The following RNF216 variants were observed in gnomAD, a reference collection of about 807,000 sequenced individuals.
RNF216 encodes the protein ring finger protein 216.
In RNF216, 72 loss-of-function variants were observed where a neutral mutation model predicts 110.8. That is an observed-to-expected ratio of 0.65 (90% CI 0.54 to 0.79). The LOEUF (loss-of-function observed/expected upper bound fraction) is 0.79. RNF216 is among the 30% of genes least tolerant of loss of function. RNF216 has a pLI of 0.00. For missense variants in RNF216, 1,342 were observed against 1,141.2 expected (o/e 1.18, Z -2.54); for synonymous variants, 495 against 407.5 (o/e 1.21, Z -2.59).
At chr7:5,780,702 C>G (rs903789180) in intron 1 of RNF216, among the ~76,000 whole-genome samples, 1 of 151,498 alleles carries the variant, frequency 6.6e-6, no homozygotes, top group African/African-American at 2.4e-5. Flanking sequence ...AAGACTCCGT[C>G]TCAAAGAAAA....
chr7:5,681,036 G>A (rs770013576), intron 13 of RNF216, among the ~76,000 whole-genome samples: 2 of 151,524 alleles, frequency 1.3e-5, no homozygotes, highest in Non-Finnish European at 2.9e-5. Context: ...GCCATACCCC[G>A]CAGATACCCC....
chr7:5,773,739 TG>T, intron 1 of RNF216, among the ~76,000 whole-genome samples: 1 of 152,116 alleles, frequency 6.6e-6, no homozygotes, highest in Non-Finnish European at 1.5e-5. Flanking sequence ...GGTTAATTTT[TG>T]TATTTTTAGT....
In RNF216 at chr7:5,755,159, G is replaced by C. The variant is rs558434916; in HGVS notation, c.68-2180C>G. ...GAGGGAGGAAGGAAAGAAGGAAGGA[G>C]AAAGGAAGGAAAGAGAGGAAAGGAA... On this transcript the variant is annotated intron_variant, in intron 2 of 16. Coordinates refer to ENST00000389902, the MANE Select transcript of RNF216 (RefSeq NM_207111.4). Among the ~76,000 whole-genome samples the C allele has an allele frequency of 2.7e-3, 382 of 143,062 alleles. 3 individuals are homozygous for C. Among genetic ancestry groups the C allele is most frequent in the African/African-American group, 9.2e-3 (358 of 38,898 alleles). 93.9% of individuals were successfully genotyped at this position (143,062 alleles called of 152,430 possible).
chr7:5,668,922 C>G (rs936477465), intron 13 of RNF216, among the ~76,000 whole-genome samples: 5 of 152,214 alleles, frequency 3.3e-5, no homozygotes, highest in Non-Finnish European at 7.3e-5. Context: ...CTAGATGTGA[C>G]TACTTTCACA....
chr7:5,734,326 G>C (rs1006800484), intron 5 of RNF216, among the ~76,000 whole-genome samples: 1 of 152,138 alleles, frequency 6.6e-6, no homozygotes, highest in Non-Finnish European at 1.5e-5. Context: ...ACATAATGCT[G>C]AGTGAAAAGA....
At chr7:5,752,363 G>C (rs1054154450) in intron 3 of RNF216, among the ~76,000 whole-genome samples, 1 of 152,102 alleles carries the variant, frequency 6.6e-6, no homozygotes, top group South Asian at 2.1e-4. Flanking sequence ...GACAAAATTT[G>C]TTCTTGGTTA....
intron 1 of RNF216, among the ~76,000 whole-genome samples, chr7:5,773,646 C>T (rs550356608): frequency 1.1e-4 from 17 of 152,336 alleles, no homozygotes; most frequent in African/African-American, 3.4e-4. Flanking sequence ...CAGCTCACTG[C>T]AACCTCCGTC....
chr7:5,772,528 C>T (rs969536210), intron 1 of RNF216, among the ~76,000 whole-genome samples: 1 of 152,066 alleles, frequency 6.6e-6, no homozygotes, highest in South Asian at 2.1e-4. Context: ...CCTTTCCTTC[C>T]TCTCTGAGAA....
chr7:5,767,131 A>G (rs146814317), intron 1 of RNF216, among the ~76,000 whole-genome samples: 2 of 152,322 alleles, frequency 1.3e-5, no homozygotes, highest in East Asian at 3.9e-4. Context: ...TAGTAGACCA[A>G]CCCTTTGCCT....
chr7:5,656,923 A>G (rs1357083767), intron 13 of RNF216, among the ~76,000 whole-genome samples: 3 of 152,196 alleles, frequency 2.0e-5, no homozygotes, highest in East Asian at 1.9e-4. Context: ...CAAGTGTGAT[A>G]ATAATCTTGA....
At position 5,741,623 on chromosome 7, in the gene RNF216, C is replaced by A. The variant is rs371431845; in HGVS notation, c.394G>T (p.Gly132Cys). The A allele has an allele frequency of 1.2e-6, 2 of 1,614,094 alleles. No individual in the cohort carries two copies. Among genetic ancestry groups the A allele is most frequent in the Non-Finnish European group, 1.7e-6 (2 of 1,180,030 alleles). The change falls in exon 4 of 17, where the codon GGT (glycine) becomes TGT (cysteine). Residue 132 changes from glycine (G) to cysteine (C), a missense_variant. Gly to Cys is a radical substitution (Grantham distance 159). Coordinates refer to ENST00000389902, the MANE Select transcript of RNF216 (RefSeq NM_207111.4). ...GAQDDSEDDY[G>C]EFLDLGPPGI... ...GGAGGCCCAAGATCCAGAAATTCAC[C>A]GTAGTCATCCTCAGAATCATCCTGT...
intron 13 of RNF216, among the ~76,000 whole-genome samples, chr7:5,664,020 C>T (rs892380562): frequency 1.3e-5 from 2 of 152,150 alleles, no homozygotes; most frequent in African/African-American, 4.8e-5. Flanking sequence ...TGGAGGGGCT[C>T]GTAATCAACC....
rs546031648 is a variant in RNF216 at position 5,756,072 on chromosome 7, T to A, written c.68-3093A>T. Among the ~76,000 whole-genome samples the A allele has an allele frequency of 1.1e-4, 17 of 152,064 alleles. 1 individual carries two copies. The South Asian group carries it at 3.5e-3, about 32-fold the overall frequency. On this transcript the variant is annotated intron_variant, in intron 2 of 16. Transcript: ENST00000389902. ...TCACGAGCGGGACAGGTGGAGGTAA[T>A]CGGATCATGGGGGCAGTTTCCCCCA... is the stretch of plus-strand genomic sequence containing the variant.
intron 13 of RNF216, among the ~76,000 whole-genome samples, chr7:5,689,165 G>C (rs1480380147): frequency 6.6e-6 from 1 of 152,004 alleles, no homozygotes; most frequent in African/African-American, 2.4e-5. Context: ...AGGTGGAAGG[G>C]GGTCCTGGAG....
chr7:5,659,940 T>A (rs939651059), intron 13 of RNF216, among the ~76,000 whole-genome samples: 24 of 144,618 alleles, frequency 1.7e-4, no homozygotes, highest in Non-Finnish European at 3.3e-4. Context: ...AATATTTTAA[T>A]TACATTCATT....
At chr7:5,725,803 C>A (rs1359508933) in intron 7 of RNF216, among the ~76,000 whole-genome samples, 2 of 146,204 alleles carry the variant, frequency 1.4e-5, no homozygotes, top group East Asian at 4.0e-4. Context: ...TGAGCCGAGA[C>A]TGCACCACTG....
intron 15 of RNF216, among the ~76,000 whole-genome samples, chr7:5,631,942 C>T (rs375552822): frequency 5.9e-5 from 9 of 152,194 alleles, no homozygotes; most frequent in Admixed American, 2.0e-4. Context: ...CTCCACGCCA[C>T]GGGAGGCTGG....
intron 5 of RNF216, among the ~76,000 whole-genome samples, chr7:5,738,707 C>CA (rs71004696): frequency 0.016 from 1,149 of 70,110 alleles, 51 homozygotes; most frequent in African/African-American, 0.057. Flanking sequence ...GACTCCGTCT[C>CA]AAAAAAAAAA....
intron 2 of RNF216, among the ~76,000 whole-genome samples, chr7:5,757,996 T>A (rs1795736572): frequency 6.6e-6 from 1 of 151,830 alleles, no homozygotes. Context: ...CTCTCTTGAT[T>A]AAAGAAAAAA....
Sources: gnomAD v4.1 joint callset for allele counts (sites outside exome capture counted in the v4.1 genomes callset) on GRCh38, gnomAD v4.1.1 for gene constraint, MANE v1.5 for transcripts, NCBI Gene and HGNC (gene_info 2026-07-23, HGNC 2026-07-21) for gene names.